Variants in TPH2 observed in about 807,000 individuals in gnomAD.
TPH2 encodes the protein tryptophan 5-hydroxylase 2.
In TPH2, 27 loss-of-function variants were observed where a neutral mutation model predicts 59.1. The observed-to-expected ratio is 0.46, with a 90% confidence interval of 0.34 to 0.63. The LOEUF (loss-of-function observed/expected upper bound fraction) is 0.63. TPH2 is among the 30% of genes least tolerant of loss of function. The pLI is 0.01. For missense variants in TPH2, 523 were observed against 588.3 expected, an observed-to-expected ratio of 0.89 and a Z score of 1.15; for synonymous variants, 220 against 210.5, an observed-to-expected ratio of 1.05 and a Z score of -0.39.
chr12:71,999,706 A>G (rs1236600973), intron 8 of TPH2, among the ~76,000 whole-genome samples: 1 of 152,228 alleles, frequency 6.6e-6, no homozygotes, highest in Non-Finnish European at 1.5e-5. Context: ...GAATGTATAT[A>G]TTATGCTAAA....
intron 8 of TPH2, among the ~76,000 whole-genome samples, chr12:72,012,961 C>CCAAAAG (rs1873139410): frequency 1.3e-5 from 2 of 152,086 alleles, no homozygotes; most frequent in African/African-American, 4.8e-5. Context: ...CACAATCACC[C>CCAAAAG]ATTTATTCTT....
At chr12:71,945,056 T>C (rs1013751643) in intron 4 of TPH2, among the ~76,000 whole-genome samples, 4 of 152,160 alleles carry the variant, frequency 2.6e-5, no homozygotes, top group Admixed American at 6.5e-5. Context: ...CTAGGTATTA[T>C]GGGGCTCAGT....
chr12:71,949,745 T>G (rs1170577691), intron 5 of TPH2, 90 bp downstream of exon 5: 3 of 1,173,824 alleles, frequency 2.6e-6, no homozygotes, highest in Admixed American at 1.7e-5. Flanking sequence ...TCACTTTAAC[T>G]TTTGCAGAAA....
chr12:71,950,272 G>A (rs1021288991), intron 5 of TPH2, among the ~76,000 whole-genome samples: 2 of 152,174 alleles, frequency 1.3e-5, no homozygotes, highest in Non-Finnish European at 2.9e-5. Flanking sequence ...CACCAAACAG[G>A]CTTTGTGTGA....
At chr12:71,960,693 C>T (rs770420892) in intron 5 of TPH2, among the ~76,000 whole-genome samples, 29 of 152,130 alleles carry the variant, frequency 1.9e-4, no homozygotes, top group Admixed American at 2.6e-4. Context: ...AAAACATTAA[C>T]GCAATATGGT....
intron 8 of TPH2, among the ~76,000 whole-genome samples, chr12:72,015,564 C>T (rs912192006): frequency 6.6e-6 from 1 of 151,968 alleles, no homozygotes; most frequent in African/African-American, 2.4e-5. Context: ...CGTGATCCAC[C>T]CGCGTCGGTC....
At chr12:72,003,195 C>T (rs529092127) in intron 8 of TPH2, among the ~76,000 whole-genome samples, 1 of 152,180 alleles carries the variant, frequency 6.6e-6, no homozygotes, top group East Asian at 1.9e-4. Flanking sequence ...AAAATGACCA[C>T]TTTAGTATCT....
chr12:72,022,734 G>T (rs1873454391), intron 9 of TPH2, among the ~76,000 whole-genome samples: 2 of 152,192 alleles, frequency 1.3e-5, no homozygotes, highest in Admixed American at 1.3e-4. Context: ...CAAATCAACA[G>T]CAATGACAAA....
rs1268134569 is a variant in TPH2, at chr12:71,939,003, T to G, written c.17T>G (p.Met6Arg). Residue 6 changes from methionine to arginine, a missense_variant, in exon 1 of 11, where the codon ATG (methionine) becomes AGG (arginine). Coordinates refer to ENST00000333850, the MANE Select transcript of TPH2 (RefSeq NM_173353.4). The part of the protein sequence containing the change: MQPAM[M>R]MFSSKYWARR... ...CCGGGATCCATGCAGCCAGCAATGA[T>G]GATGTTTTCCAGTAAATACTGGGCA... 1 of 1,613,920 alleles carries G rather than the reference T, an allele frequency of 6.2e-7. No homozygotes were observed. Among genetic ancestry groups the G allele is most frequent in the African/African-American group, 1.3e-5 (1 of 74,912 alleles).
At chr12:71,990,858 A>G (rs1250008016) in intron 7 of TPH2, among the ~76,000 whole-genome samples, 1 of 152,208 alleles carries the variant, frequency 6.6e-6, no homozygotes, top group Non-Finnish European at 1.5e-5. Context: ...AGCAAAATAC[A>G]GCATGGTCAT....
chr12:71,941,559 T>A (rs772354142), intron 1 of TPH2, 25 bp from the exon 2 acceptor site: 1 of 1,610,914 alleles, frequency 6.2e-7, no homozygotes, highest in Non-Finnish European at 8.5e-7. Flanking sequence ...ATATTTTGTT[T>A]TATTATGCTT....
intron 8 of TPH2, among the ~76,000 whole-genome samples, chr12:72,009,976 G>T (rs890437196): frequency 6.6e-6 from 1 of 152,146 alleles, no homozygotes; most frequent in Non-Finnish European, 1.5e-5. Flanking sequence ...AGTTACTCAA[G>T]CTCCATGTCA....
At chr12:71,973,528 T>C (rs1197280751) in intron 6 of TPH2, among the ~76,000 whole-genome samples, 2 of 152,200 alleles carry the variant, frequency 1.3e-5, no homozygotes, top group Non-Finnish European at 2.9e-5. Flanking sequence ...TTCTGGGAAT[T>C]GCCCACCCCT....
At chr12:72,004,954 T>A (rs1463940090) in intron 8 of TPH2, among the ~76,000 whole-genome samples, 3 of 152,186 alleles carry the variant, frequency 2.0e-5, no homozygotes, top group African/African-American at 7.2e-5. Flanking sequence ...GGTATCACAA[T>A]AAGAAACACG....
In TPH2 at chr12:71,944,320, T is replaced by C. The variant is rs763418406; in HGVS notation, c.282T>C (p.Ile94=). Residue 94 remains isoleucine (I), a synonymous_variant, in exon 3 of 11, where the codon ATT becomes ATC. Transcript: ENST00000333850. The part of the protein sequence containing the change: ...FQEKRVNMVH[I]ESRKSRRRSS... Reference sequence around the variant, plus strand: ...AAAAACGTGTCAACATGGTTCATATTGAATCCAGGAAATCTCGGCGAAGAA... The same window carrying C: ...AAAAACGTGTCAACATGGTTCATATCGAATCCAGGAAATCTCGGCGAAGAA... The C allele has an allele frequency of 1.7e-5, 28 of 1,613,710 alleles. No homozygotes were observed.
intron 5 of TPH2, among the ~76,000 whole-genome samples, chr12:71,951,450 C>T (rs1013221736): frequency 6.6e-6 from 1 of 152,190 alleles, no homozygotes. Context: ...AGCTTCGTCA[C>T]TCAGTCTGCC....
chr12:71,994,243 G>C (rs1389553534), intron 7 of TPH2, among the ~76,000 whole-genome samples, 196 bp from the exon 8 acceptor site: 2 of 152,194 alleles, frequency 1.3e-5, no homozygotes, highest in Non-Finnish European at 2.9e-5. Flanking sequence ...TATATCATAT[G>C]TTTTAAGTGC....
intron 8 of TPH2, among the ~76,000 whole-genome samples, chr12:72,013,502 T>G (rs934936013): frequency 4.6e-5 from 7 of 152,200 alleles, no homozygotes; most frequent in Non-Finnish European, 7.3e-5. Flanking sequence ...CTAGACCATT[T>G]ACTTTTTCCA....
intron 8 of TPH2, among the ~76,000 whole-genome samples, chr12:71,998,132 G>A (rs1447825453): frequency 6.6e-6 from 1 of 152,124 alleles, no homozygotes; most frequent in East Asian, 1.9e-4. Flanking sequence ...AATTTGGGAT[G>A]GAGTAGGGGT....
Sources: allele counts gnomAD v4.1 joint callset (sites outside exome capture counted in the v4.1 genomes callset), GRCh38; gene constraint gnomAD v4.1.1; transcripts MANE v1.5; gene names NCBI Gene and HGNC (gene_info 2026-07-23, HGNC 2026-07-21).